The following CBFB variants were observed in gnomAD, a reference collection of about 807,000 sequenced individuals.
CBFB encodes CBF-beta.
In CBFB, 9 loss-of-function variants were observed where a neutral mutation model predicts 30.4. That is an observed-to-expected ratio of 0.30 (90% CI 0.18 to 0.52). The LOEUF (loss-of-function observed/expected upper bound fraction) is 0.52. Among genes scored for constraint, CBFB ranks in the 20% least tolerant of loss-of-function variants. CBFB has a pLI of 0.97. For synonymous variants in CBFB, 94 were observed against 84.0 expected, an observed-to-expected ratio of 1.12 and a Z score of -0.65; for missense variants, 170 against 244.0, an observed-to-expected ratio of 0.70 and a Z score of 2.02.
chr16:67,037,949 G>A (rs1966469410), intron 3 of CBFB, among the ~76,000 whole-genome samples: 1 of 152,094 alleles, frequency 6.6e-6, no homozygotes, highest in Admixed American at 6.6e-5. Flanking sequence ...GATTATAGGA[G>A]TGAGCTACTG....
At chr16:67,094,117 CTTTTTTTT>C (rs757109594) in intron 5 of CBFB, among the ~76,000 whole-genome samples, 1 of 130,588 alleles carries the variant, frequency 7.7e-6, no homozygotes, top group African/African-American at 3.0e-5. Flanking sequence ...CTTCCTCCCT[CTTTTTTTT>C]TTTTTTTTTT....
rs1004929680 is a variant in CBFB, at chr16:67,100,108, T to G, written c.*1330T>G. ...GAGTGGAAAACAGTGCTAAGTCATT[T>G]GGCACCTCCTTACAAATATTTTTCA... On this transcript the variant is annotated 3_prime_UTR_variant, in exon 6 of 6. Coordinates refer to ENST00000412916, the MANE Select transcript of CBFB (RefSeq NM_022845.3). 1 of 213,122 alleles carries G rather than the reference T, an allele frequency of 4.7e-6. No individual in the cohort carries two copies. Among genetic ancestry groups the G allele is most frequent in the African/African-American group, 2.3e-5 (1 of 44,368 alleles). 13.2% of individuals were successfully genotyped at this position (213,122 alleles called of 1,614,324 possible). A position where few individuals can be genotyped will look rare whatever the true frequency, so the allele number is the denominator to read the frequency against.
intron 3 of CBFB, among the ~76,000 whole-genome samples, chr16:67,041,500 G>T (rs1966529532): frequency 6.6e-6 from 1 of 152,116 alleles, no homozygotes; most frequent in Admixed American, 6.6e-5. Flanking sequence ...TCTAACTTAG[G>T]CTGAGGCAGG....
chr16:67,094,233 C>T (rs1389217121), intron 5 of CBFB, among the ~76,000 whole-genome samples: 2 of 150,420 alleles, frequency 1.3e-5, no homozygotes, highest in Admixed American at 6.7e-5. Context: ...GCTGGAATTA[C>T]TAGTGTGAGC....
At chr16:67,069,781 C>G (rs888016075) in intron 4 of CBFB, among the ~76,000 whole-genome samples, 1 of 152,210 alleles carries the variant, frequency 6.6e-6, no homozygotes, top group Non-Finnish European at 1.5e-5. Context: ...CTCTTGAAAT[C>G]ATAGAGGCTA....
chr16:67,035,535 C>T (rs1193241016), intron 2 of CBFB, among the ~76,000 whole-genome samples: 11 of 152,096 alleles, frequency 7.2e-5, no homozygotes, highest in Non-Finnish European at 2.9e-5. Context: ...ACAAGTGTAC[C>T]GACAGTGCCA....
chr16:67,071,657 C>T (rs1012239708), intron 4 of CBFB, among the ~76,000 whole-genome samples: 1 of 152,150 alleles, frequency 6.6e-6, no homozygotes, highest in Non-Finnish European at 1.5e-5. Flanking sequence ...TTAAATCTCT[C>T]CAGGCCTCAG....
intron 3 of CBFB, among the ~76,000 whole-genome samples, chr16:67,059,976 C>CTTTCT (rs1555536649): frequency 7.5e-6 from 1 of 132,916 alleles, no homozygotes; most frequent in Non-Finnish European, 1.6e-5. Flanking sequence ...TTCTTTCTTT[C>CTTTCT]TTTTTTTTTT....
chr16:67,048,808 CT>C (rs1294121246), intron 3 of CBFB, among the ~76,000 whole-genome samples: 2,509 of 131,626 alleles, frequency 0.019, 50 homozygotes, highest in African/African-American at 0.061. Context: ...CGTGTCTAGC[CT>C]TTTTTTTTTT....
intron 3 of CBFB, among the ~76,000 whole-genome samples, chr16:67,063,525 T>C (rs1338220132): frequency 6.6e-6 from 1 of 152,162 alleles, no homozygotes; most frequent in Non-Finnish European, 1.5e-5. Flanking sequence ...CACTGCAACC[T>C]CTGCCTCCCA....
chr16:67,073,512 G>A (rs1368826435), intron 4 of CBFB, among the ~76,000 whole-genome samples: 4 of 152,314 alleles, frequency 2.6e-5, no homozygotes, highest in African/African-American at 9.6e-5. Flanking sequence ...TTGAGAGGCC[G>A]AGACAGGTGG....
chr16:67,033,414 A>C (rs141983923), intron 2 of CBFB, among the ~76,000 whole-genome samples: 67 of 152,058 alleles, frequency 4.4e-4, no homozygotes, highest in Middle Eastern at 3.4e-3. Context: ...ATCTCCGTTC[A>C]CTGCAACCTC....
Position 67,099,273 on chromosome 16 carries a change from A to G in CBFB, c.*495A>G, listed in dbSNP as rs16957169. On this transcript the variant is annotated 3_prime_UTR_variant, in exon 6 of 6. Transcript: ENST00000412916. ...ATTTCCTTTTGTGTTTTTATAGTCT[A>G]TAGCATTTTAAAACTGCTGATGTTG... 0.037 allele frequency: 8,420 copies of G among 230,654 alleles called. 572 individuals carry two copies. The highest frequency in any genetic ancestry group is 0.15 in the African/African-American group (6,967 of 45,022). 14.3% of individuals were successfully genotyped at this position (230,654 alleles called of 1,614,324 possible). A position where few individuals can be genotyped will look rare whatever the true frequency, so the allele number is the denominator to read the frequency against.
At chr16:67,077,842 G>A (rs1029065581) in intron 4 of CBFB, among the ~76,000 whole-genome samples, 1 of 152,216 alleles carries the variant, frequency 6.6e-6, no homozygotes, top group Admixed American at 6.5e-5. Context: ...CGAATATTCT[G>A]TGTATGCTCT....
rs578224708 is a variant in CBFB at position 67,039,543 on chromosome 16, A to G, written c.282+2788A>G. 8.5e-4 allele frequency among the ~76,000 whole-genome samples: 130 copies of G among 152,312 alleles called. No homozygotes were observed. In the Middle Eastern group the frequency reaches 0.017, roughly 20 times the overall value. Reference sequence around the variant, plus strand: ...TCACTAGGCAATAGGAATTTTTCAGATTCATTATAATCTTACAAGACCACT... The same window carrying G: ...TCACTAGGCAATAGGAATTTTTCAGGTTCATTATAATCTTACAAGACCACT... On this transcript the variant is annotated intron_variant, in intron 3 of 5. Transcript: ENST00000412916.
intron 4 of CBFB, among the ~76,000 whole-genome samples, chr16:67,067,279 G>A (rs1312408819): frequency 6.6e-6 from 1 of 151,814 alleles, no homozygotes; most frequent in Non-Finnish European, 1.5e-5. Context: ...GGGAGGCTGA[G>A]GCAGACGGAT....
intron 3 of CBFB, among the ~76,000 whole-genome samples, chr16:67,038,366 A>G (rs988179843): frequency 6.6e-6 from 1 of 151,658 alleles, no homozygotes; most frequent in African/African-American, 2.4e-5. Flanking sequence ...GTATATACGT[A>G]TATGTGTGTA....
At chr16:67,076,819 A>G (rs950720678) in intron 4 of CBFB, among the ~76,000 whole-genome samples, 2 of 152,218 alleles carry the variant, frequency 1.3e-5, no homozygotes, top group African/African-American at 4.8e-5. Flanking sequence ...AAAGAAGGTC[A>G]TTGTTATTGT....
chr16:67,068,575 TAAAC>T (rs1483743504), intron 4 of CBFB, among the ~76,000 whole-genome samples: 1 of 152,152 alleles, frequency 6.6e-6, no homozygotes, highest in Non-Finnish European at 1.5e-5. Context: ...GGCGAGTCAC[TAAAC>T]AAACAAACAT....
Sources: allele counts gnomAD v4.1 joint callset (sites outside exome capture counted in the v4.1 genomes callset), GRCh38; gene constraint gnomAD v4.1.1; transcripts MANE v1.5; gene names NCBI Gene and HGNC (gene_info 2026-07-23, HGNC 2026-07-21).